Variants in THSD7B observed in about 807,000 individuals in gnomAD.
THSD7B encodes thrombospondin type-1 domain-containing protein 7B.
Under a neutral mutation model 213.6 loss-of-function variants are expected in THSD7B, and 138 were observed. That is an observed-to-expected ratio of 0.65 (90% confidence interval 0.56 to 0.74). The LOEUF (loss-of-function observed/expected upper bound fraction) is 0.74. THSD7B is among the 30% of genes least tolerant of loss of function. The pLI is 0.00. For synonymous variants in THSD7B, 742 were observed against 687.0 expected, an observed-to-expected ratio of 1.08 and a Z score of -1.25; for missense variants, 1,931 against 1,991.5, an observed-to-expected ratio of 0.97 and a Z score of 0.58.
intron 7 of THSD7B, among the ~76,000 whole-genome samples, chr2:137,226,048 C>T (rs1276748474): frequency 6.6e-6 from 1 of 151,798 alleles, no homozygotes; most frequent in African/African-American, 2.4e-5. Flanking sequence ...ATGAGTTCCA[C>T]TAAATTTGCT....
chr2:136,849,866 AAT>A (rs893842559), intron 1 of THSD7B, among the ~76,000 whole-genome samples: 1 of 152,116 alleles, frequency 6.6e-6, no homozygotes, highest in African/African-American at 2.4e-5. Flanking sequence ...AGCTTTATCA[AAT>A]CTTAATAGTT....
chr2:137,352,212 G>T (rs1179760056), intron 12 of THSD7B, among the ~76,000 whole-genome samples: 1 of 151,852 alleles, frequency 6.6e-6, no homozygotes, highest in Admixed American at 6.6e-5. Context: ...AAATTTTCAT[G>T]TAATTATAAA....
chr2:137,632,572 T>C (rs1313562616), intron 20 of THSD7B, among the ~76,000 whole-genome samples: 2 of 152,200 alleles, frequency 1.3e-5, no homozygotes, highest in African/African-American at 4.8e-5. Flanking sequence ...TAGTTTTTAA[T>C]GGAATTGAAA....
chr2:136,775,850 C>T (rs905928708), intron 1 of THSD7B, among the ~76,000 whole-genome samples: 2 of 152,068 alleles, frequency 1.3e-5, no homozygotes, highest in African/African-American at 4.8e-5. Flanking sequence ...AGAACAGTGG[C>T]GATTACCCGT....
chr2:137,485,553 A>G (rs1479691209), intron 15 of THSD7B, among the ~76,000 whole-genome samples: 2 of 152,136 alleles, frequency 1.3e-5, no homozygotes, highest in Non-Finnish European at 1.5e-5. Flanking sequence ...GGGAGAATGG[A>G]ACCAAGTTGG....
chr2:137,242,352 G>T, intron 9 of THSD7B, 105 bp from the exon 10 acceptor site: 1 of 805,810 alleles, frequency 1.2e-6, no homozygotes. Context: ...CACCTATTAA[G>T]GGAACATGAG....
chr2:137,307,473 T>G (rs1683782378), intron 12 of THSD7B, among the ~76,000 whole-genome samples: 1 of 152,118 alleles, frequency 6.6e-6, no homozygotes, highest in South Asian at 2.1e-4. Context: ...GAATTTCCAC[T>G]TCATCCCTAA....
intron 7 of THSD7B, among the ~76,000 whole-genome samples, chr2:137,213,899 G>T (rs537137123): frequency 9.2e-5 from 14 of 152,164 alleles, no homozygotes; most frequent in African/African-American, 2.4e-4. Context: ...GCCCCATAAT[G>T]ATATGACTCT....
At chr2:137,591,833 C>A (rs990474553) in intron 17 of THSD7B, among the ~76,000 whole-genome samples, 2 of 151,770 alleles carry the variant, frequency 1.3e-5, no homozygotes, top group African/African-American at 4.8e-5. Context: ...TTGTTTCATA[C>A]GAACATTTTG....
chr2:137,169,782 A>G (rs1026932101), intron 6 of THSD7B, among the ~76,000 whole-genome samples: 4 of 152,166 alleles, frequency 2.6e-5, no homozygotes, highest in African/African-American at 9.7e-5. Flanking sequence ...AATTTACACT[A>G]AAGGGTTCAA....
At chr2:137,413,350 A>G (rs778852197) in intron 14 of THSD7B, among the ~76,000 whole-genome samples, 40 of 152,220 alleles carry the variant, frequency 2.6e-4, no homozygotes, top group Admixed American at 5.9e-4. Flanking sequence ...GTACCTGGAC[A>G]TCTATGACTT....
At chr2:137,656,035 AT>A (rs1683230672) in intron 22 of THSD7B, among the ~76,000 whole-genome samples, 1 of 152,176 alleles carries the variant, frequency 6.6e-6, no homozygotes, top group South Asian at 2.1e-4. Context: ...TGTTGGCTGA[AT>A]TCTGGGTGAT....
At chr2:136,938,206 C>A (rs1283824502) in intron 2 of THSD7B, among the ~76,000 whole-genome samples, 1 of 152,074 alleles carries the variant, frequency 6.6e-6, no homozygotes, top group Non-Finnish European at 1.5e-5. Flanking sequence ...GCAAAGTGCC[C>A]ATCCTTTCTA....
intron 12 of THSD7B, among the ~76,000 whole-genome samples, chr2:137,355,362 T>C (rs1314016195): frequency 6.6e-6 from 1 of 152,186 alleles, no homozygotes; most frequent in African/African-American, 2.4e-5. Flanking sequence ...GGCTGACATT[T>C]ATTTTTACAG....
At position 137,231,131 on chromosome 2, in the gene THSD7B, T is replaced by A. The variant is rs376755795; in HGVS notation, c.1811T>A (p.Leu604Gln). Residue 604 changes from leucine (L) to glutamine (Q), a missense_variant, in exon 8 of 28, where the codon CTG becomes CAG. Coordinates refer to ENST00000409968, the MANE Select transcript of THSD7B (RefSeq NM_001316349.2). ...CEIPCRMDCV[L>Q]SEWTEWSSCS... ...ATTCCCTGCCGAATGGACTGTGTGC[T>A]GAGCGAGTGGACGGAGTGGTCATCC... The A allele has an allele frequency of 1.2e-6, 2 of 1,613,726 alleles. No homozygotes were observed. Among genetic ancestry groups the A allele is most frequent in the African/African-American group, 2.7e-5 (2 of 74,914 alleles).
chr2:136,799,536 T>G (rs1386371676), intron 1 of THSD7B, among the ~76,000 whole-genome samples: 1 of 152,012 alleles, frequency 6.6e-6, no homozygotes, highest in African/African-American at 2.4e-5. Flanking sequence ...ATATTGCACA[T>G]CATTACTTCC....
At chr2:137,103,520 T>G (rs142471153) in intron 4 of THSD7B, among the ~76,000 whole-genome samples, 1 of 152,088 alleles carries the variant, frequency 6.6e-6, no homozygotes, top group Admixed American at 6.5e-5. Flanking sequence ...CAGGATCAAA[T>G]TCATACATAA....
At chr2:137,247,239 T>C (rs1682060447) in intron 10 of THSD7B, among the ~76,000 whole-genome samples, 1 of 152,226 alleles carries the variant, frequency 6.6e-6, no homozygotes, top group Non-Finnish European at 1.5e-5. Flanking sequence ...CTGCATATTT[T>C]CAACATTTAA....
chr2:137,176,856 C>G (rs1680367226), intron 7 of THSD7B, among the ~76,000 whole-genome samples: 1 of 152,222 alleles, frequency 6.6e-6, no homozygotes, highest in South Asian at 2.1e-4. Context: ...CCAGGCTCCT[C>G]CCTTTCCTGC....
Sources: allele counts gnomAD v4.1 joint callset (sites outside exome capture counted in the v4.1 genomes callset), GRCh38; gene constraint gnomAD v4.1.1; transcripts MANE v1.5; gene names NCBI Gene and HGNC (gene_info 2026-07-23, HGNC 2026-07-21).